Variants in AUTS2 observed in about 807,000 individuals in gnomAD.
The protein encoded by AUTS2 is autism susceptibility gene 2 protein.
In AUTS2, 17 loss-of-function variants were observed where a neutral mutation model predicts 112.4. The observed-to-expected ratio is 0.15, with a 90% CI of 0.10 to 0.23. The LOEUF (loss-of-function observed/expected upper bound fraction) is 0.23, where lower values mean the gene tolerates loss of function less well. AUTS2 is among the 10% of genes least tolerant of loss of function. The pLI, the probability that AUTS2 is intolerant of heterozygous loss-of-function variation, is 1.00. For synonymous variants in AUTS2, 751 were observed against 702.7 expected, an observed-to-expected ratio of 1.07 and a Z score of -1.09; for missense variants, 1,510 against 1,701.6, an observed-to-expected ratio of 0.89 and a Z score of 1.98.
chr7:69,790,131 T>C (rs1270732882), intron 1 of AUTS2, among the ~76,000 whole-genome samples: 1 of 144,234 alleles, frequency 6.9e-6, no homozygotes, highest in Non-Finnish European at 1.5e-5. Flanking sequence ...AAATAAAAAA[T>C]AAAAAAAAAA....
intron 4 of AUTS2, among the ~76,000 whole-genome samples, chr7:70,403,494 T>TGCCTGGC (rs1193318351): frequency 2.0e-5 from 3 of 152,232 alleles, no homozygotes; most frequent in Non-Finnish European, 4.4e-5. Flanking sequence ...CATCAATGTC[T>TGCCTGGC]GCCTGGCGTC....
chr7:69,614,368 T>TTTCTTTCTTTTCTTTCTTTTC, intron 1 of AUTS2, among the ~76,000 whole-genome samples: 53 of 19,404 alleles, frequency 2.7e-3, no homozygotes, highest in Admixed American at 4.4e-3. Flanking sequence ...TTCTTTCTTT[T>TTTCTTTCTTTTCTTTCTTTTC]TTTAAGAGAT....
intron 4 of AUTS2, among the ~76,000 whole-genome samples, chr7:70,157,777 G>C (rs916854196): frequency 6.6e-6 from 1 of 151,726 alleles, no homozygotes; most frequent in African/African-American, 2.4e-5. Flanking sequence ...GCTGTCCTCA[G>C]GGGCTGGATT....
chr7:69,729,258 G>A (rs1050065786), intron 1 of AUTS2, among the ~76,000 whole-genome samples: 2 of 151,986 alleles, frequency 1.3e-5, no homozygotes, highest in African/African-American at 4.8e-5. Context: ...GAGTATGAGA[G>A]GAGAGTTGCT....
chr7:70,138,013 G>T (rs1806663064), intron 4 of AUTS2, among the ~76,000 whole-genome samples: 1 of 152,154 alleles, frequency 6.6e-6, no homozygotes, highest in African/African-American at 2.4e-5. Context: ...TGACGATGTT[G>T]GAATGAACTG....
At chr7:70,088,586 CTTGTTTGT>C (rs560294028) in intron 2 of AUTS2, among the ~76,000 whole-genome samples, 19 of 148,524 alleles carry the variant, frequency 1.3e-4, no homozygotes, top group East Asian at 2.0e-4. Flanking sequence ...TGAGACCCAC[CTTGTTTGT>C]TTGTTTGTTT....
At chr7:70,701,715 G>A (rs1279711113) in intron 6 of AUTS2, among the ~76,000 whole-genome samples, 1 of 152,172 alleles carries the variant, frequency 6.6e-6, no homozygotes, top group African/African-American at 2.4e-5. Flanking sequence ...GTGGCATTGA[G>A]CAGGGCTTAG....
At chr7:69,618,309 C>G (rs540283855) in intron 1 of AUTS2, among the ~76,000 whole-genome samples, 1 of 152,214 alleles carries the variant, frequency 6.6e-6, no homozygotes, top group East Asian at 1.9e-4. Flanking sequence ...CAACCCACTT[C>G]TGTGACTCCA....
At chr7:69,698,053 T>C (rs1348922049) in intron 1 of AUTS2, among the ~76,000 whole-genome samples, 3 of 152,176 alleles carry the variant, frequency 2.0e-5, no homozygotes, top group African/African-American at 7.2e-5. Context: ...TATCCTAAGC[T>C]TGAGCAGGGA....
At chr7:70,175,996 A>T (rs1472332569) in intron 4 of AUTS2, among the ~76,000 whole-genome samples, 2 of 152,156 alleles carry the variant, frequency 1.3e-5, no homozygotes, top group Non-Finnish European at 2.9e-5. Context: ...TTTCATTAAG[A>T]AGTAGTATGA....
rs184298591 is a variant in AUTS2, at chr7:70,473,218, T to C, written c.690+37437T>C. 4.6e-5 allele frequency among the ~76,000 whole-genome samples: 7 copies of C among 152,360 alleles called. No individual in the cohort carries two copies. The East Asian group carries it at 1.3e-3, about 29-fold the overall frequency. On this transcript the variant is annotated intron_variant, in intron 5 of 18. Transcript: ENST00000342771. Reference sequence around the variant, plus strand: ...ATTTGAACGTCTTTAAAATATACTGTACACATACATTCCAATTTTATAAGA... The same window carrying C: ...ATTTGAACGTCTTTAAAATATACTGCACACATACATTCCAATTTTATAAGA...
At chr7:70,261,305 C>T (rs1787157852) in intron 4 of AUTS2, among the ~76,000 whole-genome samples, 1 of 152,132 alleles carries the variant, frequency 6.6e-6, no homozygotes, top group South Asian at 2.1e-4. Context: ...AAAAGTAGTT[C>T]CATGTTCACC....
rs28521737 is a variant in AUTS2, at chr7:69,798,695, G to A, written c.310-100591G>A. Among the ~76,000 whole-genome samples the A allele has an allele frequency of 7.5e-3, 1,147 of 152,182 alleles. 12 individuals are homozygous for A. The highest frequency in any genetic ancestry group is 0.026 in the African/African-American group (1,095 of 41,492). On this transcript the variant is annotated intron_variant, in intron 1 of 18. Transcript: ENST00000342771. Reference sequence around the variant, plus strand: ...ACGGAAATTAGTACGGAAGTTGCCCGAACAATTAAAAATAGCTGGGTGTGG... The same window carrying A: ...ACGGAAATTAGTACGGAAGTTGCCCAAACAATTAAAAATAGCTGGGTGTGG...
chr7:70,287,676 A>G (rs1283425676), intron 4 of AUTS2, among the ~76,000 whole-genome samples: 2 of 152,084 alleles, frequency 1.3e-5, no homozygotes. Flanking sequence ...CTTTAATGTT[A>G]TTTTCAGTTG....
At chr7:69,840,295 T>G (rs1019314453) in intron 1 of AUTS2, among the ~76,000 whole-genome samples, 1 of 152,218 alleles carries the variant, frequency 6.6e-6, no homozygotes, top group Non-Finnish European at 1.5e-5. Flanking sequence ...TTGTTCAGAT[T>G]AAGCTCTGAA....
At chr7:70,682,660 C>T (rs1419906896) in intron 5 of AUTS2, among the ~76,000 whole-genome samples, 1 of 152,186 alleles carries the variant, frequency 6.6e-6, no homozygotes, top group East Asian at 1.9e-4. Flanking sequence ...ATGGTTGTTT[C>T]ACTTACCTAT....
chr7:69,664,895 T>C (rs1461245073), intron 1 of AUTS2, among the ~76,000 whole-genome samples: 4 of 152,160 alleles, frequency 2.6e-5, no homozygotes, highest in Non-Finnish European at 5.9e-5. Flanking sequence ...TATGAAATGA[T>C]TGTTGTTAAA....
intron 4 of AUTS2, among the ~76,000 whole-genome samples, chr7:70,216,446 C>G (rs1811169750): frequency 6.6e-6 from 1 of 152,054 alleles, no homozygotes; most frequent in South Asian, 2.1e-4. Context: ...GGTGTCCCAC[C>G]CATACCCCTC....
intron 1 of AUTS2, among the ~76,000 whole-genome samples, chr7:69,700,644 T>C (rs1273055287): frequency 1.3e-5 from 2 of 152,216 alleles, no homozygotes; most frequent in Non-Finnish European, 2.9e-5. Flanking sequence ...CCATCTTCCA[T>C]TATTCTTCTT....
Sources: allele counts gnomAD v4.1 joint callset (sites outside exome capture counted in the v4.1 genomes callset), GRCh38; gene constraint gnomAD v4.1.1; transcripts MANE v1.5; gene names NCBI Gene and HGNC (gene_info 2026-07-23, HGNC 2026-07-21).